Variants in STPG2 observed in about 807,000 individuals in gnomAD.
STPG2 encodes the protein sperm-tail PG-rich repeat-containing protein 2.
STPG2 carries 56 observed loss-of-function variants against 54.2 expected under a neutral mutation model. The ratio of observed to expected loss-of-function variants is 1.03; its 90% CI spans 0.83 to 1.29. The LOEUF is 1.29. Ranked by LOEUF, STPG2 falls within the 50% of genes most tolerant of loss-of-function variation. STPG2 has a pLI of 0.00. For synonymous variants in STPG2, 200 were observed against 181.8 expected (o/e 1.10, Z -0.81); for missense variants, 596 against 544.9 (o/e 1.09, Z -0.93).
At chr4:98,019,261 T>G (rs1213367426) in intron 5 of STPG2, among the ~76,000 whole-genome samples, 3 of 152,218 alleles carry the variant, frequency 2.0e-5, no homozygotes, top group Admixed American at 6.5e-5. Context: ...CAGCACCATT[T>G]ATTAAATAGG....
chr4:97,971,842 T>C (rs907621006), intron 7 of STPG2, among the ~76,000 whole-genome samples: 1 of 149,782 alleles, frequency 6.7e-6, no homozygotes, highest in African/African-American at 2.5e-5. Context: ...TTTAAAAAAA[T>C]AGAATCCCGT....
At chr4:97,678,126 C>T (rs1045248080) in intron 10 of STPG2, among the ~76,000 whole-genome samples, 2 of 151,546 alleles carry the variant, frequency 1.3e-5, no homozygotes, top group African/African-American at 4.8e-5. Context: ...AAAGGAAATA[C>T]ATGCTTCAAC....
intron 8 of STPG2, among the ~76,000 whole-genome samples, chr4:97,939,028 A>C (rs1578711641): frequency 6.6e-6 from 1 of 152,172 alleles, no homozygotes; most frequent in South Asian, 2.1e-4. Flanking sequence ...CATTATGTTC[A>C]AATAACTTCT....
At chr4:98,138,805 C>T (rs1358674863) in intron 1 of STPG2, among the ~76,000 whole-genome samples, 1 of 151,916 alleles carries the variant, frequency 6.6e-6, no homozygotes, top group African/African-American at 2.4e-5. Context: ...CACTCCCCCA[C>T]CAAAAAAGAA....
chr4:98,059,836 A>G (rs6827501), intron 5 of STPG2, among the ~76,000 whole-genome samples: 59,903 of 151,950 alleles, frequency 0.39, 12,038 homozygotes, highest in Middle Eastern at 0.46. Context: ...CAATAGATAC[A>G]GAAAAGGCTT....
chr4:98,120,071 T>TTTTTTG (rs143047805), intron 3 of STPG2, among the ~76,000 whole-genome samples: 19 of 152,144 alleles, frequency 1.2e-4, no homozygotes, highest in South Asian at 4.2e-4. Flanking sequence ...TTCATGCATT[T>TTTTTTG]TTTTTGTTTT....
At position 97,562,371 on chromosome 4, in the gene STPG2, A is replaced by G. The variant is rs531265780; in HGVS notation, c.1321-3254T>C. 3.3e-5 allele frequency among the ~76,000 whole-genome samples: 5 copies of G among 152,318 alleles called. No homozygotes were observed. The East Asian group carries it at 5.8e-4, about 18-fold the overall frequency. The stretch of plus-strand genomic sequence containing the variant: ...GAAAATGGGGTTTTCTAGATATACA[A>G]TCATGTCATCTGCAAACAGGGACAA... On this transcript the variant is annotated intron_variant, in intron 10 of 10. Coordinates refer to ENST00000295268, the MANE Select transcript of STPG2 (RefSeq NM_174952.3).
chr4:97,854,843 T>C (rs564521020), intron 8 of STPG2, among the ~76,000 whole-genome samples: 38 of 152,138 alleles, frequency 2.5e-4, no homozygotes, highest in Non-Finnish European at 7.3e-5. Context: ...GATCATCCCA[T>C]CACCTACGTA....
intron 10 of STPG2, among the ~76,000 whole-genome samples, chr4:97,620,444 T>C (rs1443167415): frequency 3.9e-5 from 6 of 152,220 alleles, no homozygotes; most frequent in Non-Finnish European, 8.8e-5. Flanking sequence ...CCCTATTTAG[T>C]TGGCTCAGTT....
intron 9 of STPG2, among the ~76,000 whole-genome samples, chr4:97,837,409 G>A (rs113974827): frequency 0.018 from 2,755 of 151,620 alleles, 76 homozygotes; most frequent in African/African-American, 0.063. Flanking sequence ...GCATACCCCT[G>A]CCCCCAACCC....
At position 97,595,816 on chromosome 4, in the gene STPG2, A is replaced by G. The variant is rs370555341; in HGVS notation, c.1321-36699T>C. ...CAATTACTTGCCACCACAAAAACAC[A>G]CTTACGTACATAGACTATTGACACT... On this transcript the variant is annotated intron_variant, in intron 10 of 10. Coordinates refer to ENST00000295268, the MANE Select transcript of STPG2 (RefSeq NM_174952.3). Among the ~76,000 whole-genome samples the G allele has an allele frequency of 2.6e-5, 4 of 152,246 alleles. No homozygotes were observed. The South Asian group carries it at 6.2e-4, about 24-fold the overall frequency.
intron 9 of STPG2, among the ~76,000 whole-genome samples, chr4:97,752,993 TATTCAACC>T (rs892354446): frequency 1.1e-4 from 16 of 151,886 alleles, no homozygotes; most frequent in Middle Eastern, 3.4e-3. Flanking sequence ...GCAAAGAAAA[TATTCAACC>T]ATACTGACTA....
downstream of STPG2, chr4:97,558,866 A>C: frequency 1.8e-6 from 1 of 541,508 alleles, no homozygotes; most frequent in Non-Finnish European, 3.3e-6. Flanking sequence ...ATGACTTTTT[A>C]AAGAATTTTG....
At chr4:97,620,830 C>T (rs903008644) in intron 10 of STPG2, among the ~76,000 whole-genome samples, 2 of 152,084 alleles carry the variant, frequency 1.3e-5, no homozygotes, top group African/African-American at 4.8e-5. Flanking sequence ...ACAGAATATA[C>T]ATTCTCTCAT....
At chr4:98,125,190 A>G (rs1739795096) in intron 3 of STPG2, among the ~76,000 whole-genome samples, 1 of 152,150 alleles carries the variant, frequency 6.6e-6, no homozygotes, top group Non-Finnish European at 1.5e-5. Context: ...CATCCATCTC[A>G]GTCTCAGCCC....
chr4:97,578,738 A>G (rs116408364), intron 10 of STPG2, among the ~76,000 whole-genome samples: 485 of 152,270 alleles, frequency 3.2e-3, no homozygotes, highest in Non-Finnish European at 5.4e-3. Context: ...TAAACCAAAA[A>G]GAAAGGGTTC....
chr4:97,648,136 C>T (rs1398185466), intron 10 of STPG2, among the ~76,000 whole-genome samples: 2 of 152,056 alleles, frequency 1.3e-5, no homozygotes, highest in East Asian at 1.9e-4. Context: ...GTGGCAAAGG[C>T]CCTGGAGTAA....
At chr4:98,102,586 C>T (rs1383823401) in intron 5 of STPG2, among the ~76,000 whole-genome samples, 2 of 151,972 alleles carry the variant, frequency 1.3e-5, no homozygotes, top group African/African-American at 4.8e-5. Context: ...TGATCATCTG[C>T]TTCTGAACAT....
chr4:97,678,390 C>CA (rs5860510), intron 10 of STPG2, among the ~76,000 whole-genome samples: 89,352 of 151,712 alleles, frequency 0.59, 26,615 homozygotes, highest in South Asian at 0.68. Flanking sequence ...TATGTAAGTA[C>CA]AATCAAATTC....
Sources: gnomAD v4.1 joint callset for allele counts (sites outside exome capture counted in the v4.1 genomes callset) on GRCh38, gnomAD v4.1.1 for gene constraint, MANE v1.5 for transcripts, NCBI Gene and HGNC (gene_info 2026-07-23, HGNC 2026-07-21) for gene names.